The following GRM8 variants were observed in gnomAD, a reference collection of about 807,000 sequenced individuals.
The protein encoded by GRM8 is glutamate metabotropic receptor 8, also known as metabotropic glutamate receptor 8.
GRM8 carries 47 observed loss-of-function variants against 87.2 expected under a neutral mutation model. The ratio of observed to expected loss-of-function variants is 0.54; its 90% CI spans 0.43 to 0.69. GRM8 has a LOEUF of 0.69. Among genes scored for constraint, GRM8 ranks in the 30% least tolerant of loss-of-function variants. GRM8 has a pLI of 0.00. For missense variants in GRM8, 1,019 were observed against 1,139.2 expected, an observed-to-expected ratio of 0.89 and a Z score of 1.52; for synonymous variants, 396 against 404.5, an observed-to-expected ratio of 0.98 and a Z score of 0.25.
chr7:127,143,126 T>A (rs1044400023), intron 2 of GRM8, among the ~76,000 whole-genome samples: 7 of 152,084 alleles, frequency 4.6e-5, no homozygotes, highest in Non-Finnish European at 8.8e-5. Context: ...GAAGCCAAGC[T>A]CTCTTTGCTC....
At chr7:126,794,244 A>C (rs988609046) in intron 6 of GRM8, among the ~76,000 whole-genome samples, 2 of 152,168 alleles carry the variant, frequency 1.3e-5, no homozygotes, top group Admixed American at 6.5e-5. Flanking sequence ...CTTGAAAAAA[A>C]TCTGCCTATT....
At chr7:127,114,150 T>G (rs1320974361) in intron 2 of GRM8, among the ~76,000 whole-genome samples, 1 of 152,204 alleles carries the variant, frequency 6.6e-6, no homozygotes, top group Non-Finnish European at 1.5e-5. Context: ...CGACAGTTAT[T>G]AAGATTCCTG....
intron 2 of GRM8, among the ~76,000 whole-genome samples, chr7:127,125,800 A>ACACACACACACACAC (rs1491333155): frequency 5.4e-5 from 8 of 146,886 alleles, no homozygotes; most frequent in South Asian, 2.2e-4. Flanking sequence ...ACACACACAC[A>ACACACACACACACAC]AATAACTATT....
At chr7:126,456,240 A>G (rs1803209126) in intron 9 of GRM8, among the ~76,000 whole-genome samples, 1 of 151,488 alleles carries the variant, frequency 6.6e-6, no homozygotes, top group African/African-American at 2.4e-5. Flanking sequence ...GATCCTAGTA[A>G]GGAAAAAGAA....
Position 127,252,280 on chromosome 7 carries a change from C to T in GRM8, c.-312+517G>A, listed in dbSNP as rs1798918726. On this transcript the variant is annotated intron_variant, in intron 1 of 10. Transcript: ENST00000339582. This position sits in a 1 kb window ranked among gnomAD's most constrained non-coding sequence, Gnocchi z 4.9. ...CGCCTGCCCCCTTCCCGTCACCCTT[C>T]AGTCTCCCATTCGCCGACTAAACTT... is the stretch of plus-strand genomic sequence containing the variant. 1 of 152,330 alleles carries T rather than the reference C, an allele frequency of 6.6e-6. No homozygotes were observed. The highest frequency in any genetic ancestry group is 2.4e-5 in the African/African-American group (1 of 41,458). The allele number at this position is 152,330 out of a possible 1,614,324, so 9.4% of individuals were successfully genotyped here. A position where few individuals can be genotyped will look rare whatever the true frequency, so the allele number is the denominator to read the frequency against.
At chr7:126,446,091 G>A (rs377725509) in intron 10 of GRM8, 35 bp downstream of exon 10, 166 of 1,611,128 alleles carry the variant, frequency 1.0e-4, no homozygotes, top group Non-Finnish European at 1.3e-4. Flanking sequence ...AAGTGCTCCC[G>A]CTCTTGACCA....
At chr7:126,543,998 C>A (rs955454508) in intron 8 of GRM8, among the ~76,000 whole-genome samples, 3 of 152,178 alleles carry the variant, frequency 2.0e-5, no homozygotes, top group African/African-American at 7.2e-5. Flanking sequence ...TGGTTACCTT[C>A]ATGAGATAAG....
At chr7:126,825,649 A>T (rs978544002) in intron 6 of GRM8, among the ~76,000 whole-genome samples, 1 of 152,214 alleles carries the variant, frequency 6.6e-6, no homozygotes, top group African/African-American at 2.4e-5. Flanking sequence ...CAAGAAAAAA[A>T]GTTGTAACTT....
At chr7:126,660,637 A>G (rs1805060091) in intron 7 of GRM8, among the ~76,000 whole-genome samples, 1 of 152,244 alleles carries the variant, frequency 6.6e-6, no homozygotes, top group African/African-American at 2.4e-5. Flanking sequence ...GTCTACTACA[A>G]TATTAAAATC....
chr7:127,202,265 C>T (rs1795656675), intron 2 of GRM8, among the ~76,000 whole-genome samples: 1 of 150,716 alleles, frequency 6.6e-6, no homozygotes, highest in African/African-American at 2.4e-5. Flanking sequence ...CTATGATCTG[C>T]CTCTCAGGCT....
At chr7:127,101,800 G>A (rs1486140704) in intron 3 of GRM8, among the ~76,000 whole-genome samples, 2 of 152,228 alleles carry the variant, frequency 1.3e-5, no homozygotes, top group East Asian at 3.8e-4. Context: ...ACCTGAAAAT[G>A]TGGAAGTGAC....
chr7:126,867,425 G>C (rs1798696265), intron 6 of GRM8, among the ~76,000 whole-genome samples: 1 of 152,164 alleles, frequency 6.6e-6, no homozygotes, highest in African/African-American at 2.4e-5. Flanking sequence ...AGGTTTATTT[G>C]ACATTTAGTT....
Position 126,770,022 on chromosome 7 carries a change from T to C in GRM8, c.1200A>G (p.Gly400=), listed in dbSNP as rs142469359. The change falls in exon 7 of 11, where the codon GGA becomes GGG. Residue 400 remains glycine (G), a synonymous_variant. Transcript: ENST00000339582. The part of the protein sequence containing the change: ...IARDSSYEQE[G]KVQFVIDAVY... ...CAGCATCAATTACAAATTGGACCTT[T>C]CCTTCCTGTTCATAAGATGAATCCC... The C allele has an allele frequency of 2.6e-5, 42 of 1,612,748 alleles. No individual in the cohort carries two copies. Among genetic ancestry groups the C allele is most frequent in the Non-Finnish European group, 3.5e-5 (41 of 1,179,278 alleles).
chr7:127,027,845 C>G (rs1290517008), intron 3 of GRM8, among the ~76,000 whole-genome samples: 1 of 152,120 alleles, frequency 6.6e-6, no homozygotes, highest in Admixed American at 6.5e-5. Flanking sequence ...CCTGATTGCC[C>G]TGGCCAGAAC....
chr7:126,782,921 G>A (rs561833641), intron 6 of GRM8, among the ~76,000 whole-genome samples: 9 of 152,254 alleles, frequency 5.9e-5, no homozygotes, highest in East Asian at 1.9e-4. Context: ...AAAGCAGGTC[G>A]CAATCTGTCT....
intron 3 of GRM8, among the ~76,000 whole-genome samples, chr7:126,919,182 C>A (rs1229180402): frequency 6.6e-6 from 1 of 152,140 alleles, no homozygotes; most frequent in Non-Finnish European, 1.5e-5. Flanking sequence ...GTGGAGCACA[C>A]CCATGTTCCC....
At chr7:126,596,676 G>A (rs776489007) in intron 8 of GRM8, among the ~76,000 whole-genome samples, 4 of 152,108 alleles carry the variant, frequency 2.6e-5, no homozygotes, top group East Asian at 1.9e-4. Flanking sequence ...TAGCACATAC[G>A]CAGATATAAA....
intron 8 of GRM8, among the ~76,000 whole-genome samples, chr7:126,581,041 A>G (rs1464615359): frequency 1.3e-5 from 2 of 152,094 alleles, no homozygotes; most frequent in African/African-American, 4.8e-5. Context: ...TATAGTAGCT[A>G]CTTAAAAGCC....
intron 6 of GRM8, among the ~76,000 whole-genome samples, chr7:126,901,662 T>C (rs1225786136): frequency 6.6e-6 from 1 of 152,146 alleles, no homozygotes; most frequent in Non-Finnish European, 1.5e-5. Context: ...GGAGGACATA[T>C]CAAAGTCTGG....
Sources: gnomAD v4.1 joint callset for allele counts (sites outside exome capture counted in the v4.1 genomes callset) on GRCh38, gnomAD v4.1.1 for gene constraint, Gnocchi (gnomAD v3.1) non-coding constraint, MANE v1.5 for transcripts, NCBI Gene and HGNC (gene_info 2026-07-23, HGNC 2026-07-21) for gene names.